LPP: variants seen among roughly 807,000 people sequenced by gnomAD.
The protein encoded by LPP is LIM domain containing preferred translocation partner in lipoma.
Under a neutral mutation model 60.4 loss-of-function variants are expected in LPP, and 38 were observed. That is an observed-to-expected ratio of 0.63 (90% CI 0.49 to 0.83). LPP has a LOEUF of 0.83. LPP is among the 40% of genes least tolerant of loss of function. LPP has a pLI of 0.00. For synonymous variants in LPP, 328 were observed against 290.8 expected (o/e 1.13, Z -1.30); for missense variants, 902 against 783.6 (o/e 1.15, Z -1.80).
chr3:188,242,839 T>C (rs924169784), intron 2 of LPP, among the ~76,000 whole-genome samples: 13 of 152,218 alleles, frequency 8.5e-5, no homozygotes, highest in African/African-American at 3.1e-4. Context: ...TGAGGCGATG[T>C]CTACAAAATG....
chr3:188,737,066 G>T (rs558332598), intron 8 of LPP, among the ~76,000 whole-genome samples: 77 of 151,970 alleles, frequency 5.1e-4, no homozygotes, highest in African/African-American at 1.8e-3. Flanking sequence ...AATATAAACG[G>T]AGTACTTCCC....
intron 2 of LPP, among the ~76,000 whole-genome samples, chr3:188,332,662 A>G (rs941311228): frequency 2.0e-5 from 3 of 152,236 alleles, no homozygotes; most frequent in Admixed American, 6.5e-5. Flanking sequence ...GTGATAAAAC[A>G]ATATGGTAAT....
intron 6 of LPP, among the ~76,000 whole-genome samples, chr3:188,563,993 G>C (rs1437075969): frequency 6.6e-6 from 1 of 151,650 alleles, no homozygotes; most frequent in East Asian, 1.9e-4. Context: ...TAACAGTCTT[G>C]TTTACTTAAA....
intron 9 of LPP, among the ~76,000 whole-genome samples, chr3:188,789,046 A>AT (rs1332410615): frequency 1.1e-3 from 170 of 149,392 alleles, no homozygotes; most frequent in Non-Finnish European, 1.6e-3. Context: ...AACCTCAGTT[A>AT]TTTTTACTGA....
At chr3:188,699,291 A>G (rs1560082908) in intron 7 of LPP, among the ~76,000 whole-genome samples, 1 of 152,138 alleles carries the variant, frequency 6.6e-6, no homozygotes, top group Non-Finnish European at 1.5e-5. Context: ...ACTTTCCCCC[A>G]GCTCAGCCTA....
intron 6 of LPP, among the ~76,000 whole-genome samples, chr3:188,583,981 G>T (rs1233784843): frequency 6.6e-6 from 1 of 152,078 alleles, no homozygotes; most frequent in Non-Finnish European, 1.5e-5. Flanking sequence ...TTTCAGCAAA[G>T]CAACATTTCT....
At chr3:188,770,344 A>ATTTT in intron 9 of LPP, among the ~76,000 whole-genome samples, 1 of 115,412 alleles carries the variant, frequency 8.7e-6, no homozygotes, top group Non-Finnish European at 1.8e-5. Context: ...ACGCCCAGCT[A>ATTTT]TTTTTTTTTT....
chr3:188,616,846 C>G (rs1257174420), intron 7 of LPP, among the ~76,000 whole-genome samples: 2 of 152,058 alleles, frequency 1.3e-5, no homozygotes, highest in Admixed American at 6.5e-5. Flanking sequence ...ATATTGGATG[C>G]TATTGTAAAT....
rs143715885 is a variant in LPP at position 188,434,301 on chromosome 3, A to G, written c.193+27988A>G. Among the ~76,000 whole-genome samples, 1,184 of 152,282 alleles carry G rather than the reference A, an allele frequency of 7.8e-3. 16 individuals are homozygous for G. The highest frequency in any genetic ancestry group is 0.027 in the African/African-American group (1,141 of 41,552). On this transcript the variant is annotated intron_variant, in intron 4 of 11. Coordinates refer to ENST00000617246, the MANE Select transcript of LPP (RefSeq NM_001375462.1). ...TAATATTATGCTAAGTGAAATTTTCATATATAGATATATATATTTTTTCAT... is the reference window on the plus strand; with the variant it reads ...TAATATTATGCTAAGTGAAATTTTCGTATATAGATATATATATTTTTTCAT...
chr3:188,363,094 C>G (rs1770013774), intron 3 of LPP, among the ~76,000 whole-genome samples: 1 of 151,632 alleles, frequency 6.6e-6, no homozygotes, highest in African/African-American at 2.4e-5. Flanking sequence ...ATTAGCAGGG[C>G]ATGAAATTAA....
At chr3:188,697,117 GC>G (rs1863420964) in intron 7 of LPP, among the ~76,000 whole-genome samples, 1 of 152,128 alleles carries the variant, frequency 6.6e-6, no homozygotes, top group Admixed American at 6.5e-5. Flanking sequence ...CCCTGCTGAG[GC>G]CCAAAAATTC....
intron 7 of LPP, among the ~76,000 whole-genome samples, chr3:188,658,435 T>C (rs963273637): frequency 7.9e-5 from 12 of 152,036 alleles, no homozygotes; most frequent in African/African-American, 2.9e-4. Flanking sequence ...ATTAAACTAA[T>C]ACATGCAACT....
At chr3:188,840,329 C>T (rs955792370) in intron 9 of LPP, among the ~76,000 whole-genome samples, 2 of 152,148 alleles carry the variant, frequency 1.3e-5, no homozygotes, top group African/African-American at 4.8e-5. Context: ...ACTACATCTT[C>T]CTCTTAGACC....
At chr3:188,412,873 G>A (rs1785220229) in intron 4 of LPP, among the ~76,000 whole-genome samples, 1 of 152,082 alleles carries the variant, frequency 6.6e-6, no homozygotes, top group African/African-American at 2.4e-5. Flanking sequence ...GGTTACGAAT[G>A]TATTATTCCA....
chr3:188,410,716 A>AT (rs1560368474), intron 4 of LPP, among the ~76,000 whole-genome samples: 1 of 152,036 alleles, frequency 6.6e-6, no homozygotes, highest in Non-Finnish European at 1.5e-5. Context: ...ACTCATACTT[A>AT]TTTTTTAATT....
chr3:188,786,382 CAAAAAAAAA>C (rs57565042), intron 9 of LPP, among the ~76,000 whole-genome samples: 8 of 76,656 alleles, frequency 1.0e-4, no homozygotes, highest in African/African-American at 3.9e-4. Context: ...GACTCCGTCT[CAAAAAAAAA>C]AAAAAAAAAA....
At chr3:188,830,436 CT>C (rs1756848757) in intron 9 of LPP, among the ~76,000 whole-genome samples, 1 of 151,898 alleles carries the variant, frequency 6.6e-6, no homozygotes, top group Non-Finnish European at 1.5e-5. Context: ...AACCTCGTCT[CT>C]ACTAAAAAAG....
At chr3:188,185,460 CT>C (rs911040791) in intron 1 of LPP, among the ~76,000 whole-genome samples, 5 of 151,914 alleles carry the variant, frequency 3.3e-5, no homozygotes, top group African/African-American at 1.2e-4. Flanking sequence ...TCTTTTCCCC[CT>C]ATATACCCCA....
intron 7 of LPP, among the ~76,000 whole-genome samples, chr3:188,618,543 T>C (rs1450743583): frequency 3.9e-5 from 6 of 152,218 alleles, no homozygotes; most frequent in African/African-American, 1.4e-4. Context: ...TTTGTAGCTG[T>C]CTGTGTTTGT....
Sources: allele counts gnomAD v4.1 joint callset (sites outside exome capture counted in the v4.1 genomes callset), GRCh38; gene constraint gnomAD v4.1.1; transcripts MANE v1.5; gene names NCBI Gene and HGNC (gene_info 2026-07-23, HGNC 2026-07-21).